RASSF6: variants seen among roughly 807,000 people sequenced by gnomAD.
RASSF6 encodes the protein Ras association domain family member 6.
In RASSF6, 52 loss-of-function variants were observed where a neutral mutation model predicts 44.0. The observed-to-expected ratio is 1.18, with a 90% CI of 0.95 to 1.49. RASSF6 has a LOEUF of 1.49. Ranked by LOEUF, RASSF6 falls within the 40% of genes most tolerant of loss-of-function variation. The probability of loss-of-function intolerance (pLI) is 0.00; values close to 1 mark genes in which losing one functional copy is unlikely to be tolerated. For synonymous variants in RASSF6, 162 were observed against 124.6 expected (o/e 1.30, Z -2.00); for missense variants, 464 against 393.3 (o/e 1.18, Z -1.52).
chr4:73,578,596 G>A (rs1363526220), intron 8 of RASSF6, among the ~76,000 whole-genome samples: 2 of 151,084 alleles, frequency 1.3e-5, no homozygotes, highest in East Asian at 1.9e-4. Context: ...TATCGTGCTT[G>A]CTATTTTTAT....
intron 2 of RASSF6, among the ~76,000 whole-genome samples, chr4:73,610,676 C>T (rs1725946928): frequency 6.6e-6 from 1 of 152,210 alleles, no homozygotes; most frequent in South Asian, 2.1e-4. Context: ...CAGGCTTTTC[C>T]TCCAGTGCTT....
rs1354287382 is a variant in RASSF6 at position 73,574,860 on chromosome 4, A to G, written c.*1375T>C. The G allele has an allele frequency of 6.6e-6, 1 of 151,986 alleles. No homozygotes were observed. The allele number at this position is 151,986 out of a possible 1,614,324, so 9.4% of individuals were successfully genotyped here. On this transcript the variant is annotated 3_prime_UTR_variant, in exon 11 of 11. Coordinates refer to ENST00000307439, the MANE Select transcript of RASSF6 (RefSeq NM_177532.5). The stretch of plus-strand genomic sequence containing the variant: ...GTCATGTTCATGGCAGGTACATGAC[A>G]CTAGTTTTTTATAAGTATGTTGAAT...
chr4:73,608,222 T>C (rs1725780791), intron 2 of RASSF6, among the ~76,000 whole-genome samples: 1 of 151,726 alleles, frequency 6.6e-6, no homozygotes, highest in African/African-American at 2.4e-5. Flanking sequence ...AGAAAATCAT[T>C]GGATTTTCTC....
intron 1 of RASSF6, among the ~76,000 whole-genome samples, chr4:73,612,249 A>G (rs1360311344): frequency 1.3e-5 from 2 of 152,138 alleles, no homozygotes; most frequent in Non-Finnish European, 2.9e-5. Context: ...GTATGATGTA[A>G]TATTTTTCAA....
At chr4:73,619,656 C>G (rs1157646840) in intron 1 of RASSF6, among the ~76,000 whole-genome samples, 1 of 152,154 alleles carries the variant, frequency 6.6e-6, no homozygotes, top group Non-Finnish European at 1.5e-5. Context: ...AGGGGGCAAA[C>G]TAATAAGTGG....
chr4:73,587,117 G>GA (rs750739346), intron 5 of RASSF6, among the ~76,000 whole-genome samples: 2 of 151,938 alleles, frequency 1.3e-5, no homozygotes, highest in Non-Finnish European at 2.9e-5. Context: ...AGAATTACAT[G>GA]AAAAAATTCA....
At chr4:73,580,217 G>A (rs1187992517) in intron 8 of RASSF6, among the ~76,000 whole-genome samples, 1 of 151,630 alleles carries the variant, frequency 6.6e-6, no homozygotes, top group Non-Finnish European at 1.5e-5. Flanking sequence ...ATTTTTTATG[G>A]ATGCATAGTA....
intron 4 of RASSF6, among the ~76,000 whole-genome samples, chr4:73,591,273 A>T (rs1335981497): frequency 1.3e-5 from 2 of 152,228 alleles, no homozygotes; most frequent in African/African-American, 2.4e-5. Flanking sequence ...TTATTTGTCA[A>T]TTAAAAATAA....
At chr4:73,609,355 T>C (rs1725857845) in intron 2 of RASSF6, among the ~76,000 whole-genome samples, 1 of 152,296 alleles carries the variant, frequency 6.6e-6, no homozygotes, top group African/African-American at 2.4e-5. Flanking sequence ...TGTGCAATGA[T>C]GACTCCAGGC....
chr4:73,581,166 A>G (rs372047063), intron 8 of RASSF6, among the ~76,000 whole-genome samples: 151 of 152,242 alleles, frequency 9.9e-4, no homozygotes, highest in African/African-American at 3.2e-3. Context: ...ACATTCTGAC[A>G]CTTAAATTAT....
chr4:73,605,773 G>A (rs1218078490), intron 2 of RASSF6, among the ~76,000 whole-genome samples: 9 of 151,968 alleles, frequency 5.9e-5, no homozygotes, highest in South Asian at 4.2e-4. Flanking sequence ...CTGCAGCCTC[G>A]CCAACATATG....
rs1723554799 is a variant in RASSF6, at chr4:73,580,560, C to T, written c.721+1257G>A. On this transcript the variant is annotated intron_variant, in intron 8 of 10. Transcript: ENST00000307439. ...TTGTTTCCTGACTTTTTAATGATTG[C>T]CATTCTAACTGGTGTGAGATGGTAT... Among the ~76,000 whole-genome samples, 9 of 149,896 alleles carry T rather than the reference C, an allele frequency of 6.0e-5. No homozygotes were observed. In the South Asian group the frequency reaches 1.7e-3, roughly 29 times the overall value.
intron 2 of RASSF6, among the ~76,000 whole-genome samples, chr4:73,610,176 T>A (rs1264469378): frequency 6.6e-6 from 1 of 152,224 alleles, no homozygotes; most frequent in Non-Finnish European, 1.5e-5. Flanking sequence ...ATTTTTAGAA[T>A]TATCCTTGGT....
At chr4:73,587,727 A>G in intron 5 of RASSF6, 113 bp downstream of exon 5, 1 of 543,150 alleles carries the variant, frequency 1.8e-6, no homozygotes, top group Non-Finnish European at 3.3e-6. Flanking sequence ...ATATAAAACA[A>G]GAGTTTATTG....
chr4:73,617,387 G>A (rs1044042678), intron 1 of RASSF6, among the ~76,000 whole-genome samples: 1 of 152,176 alleles, frequency 6.6e-6, no homozygotes, highest in Non-Finnish European at 1.5e-5. Flanking sequence ...TTGTATTAAG[G>A]CACTTAAGGC....
chr4:73,579,629 A>G (rs1723472604), intron 8 of RASSF6, among the ~76,000 whole-genome samples: 1 of 151,654 alleles, frequency 6.6e-6, no homozygotes, highest in Non-Finnish European at 1.5e-5. Context: ...TTTTTATCGG[A>G]TTGTCTGTTG....
intron 3 of RASSF6, among the ~76,000 whole-genome samples, chr4:73,595,397 C>A (rs950949890): frequency 1.3e-5 from 2 of 152,144 alleles, no homozygotes; most frequent in Admixed American, 1.3e-4. Flanking sequence ...CAGGGTATTG[C>A]TATGTTGGCC....
In RASSF6 at chr4:73,615,198, G is replaced by A. The variant is rs867114945; in HGVS notation, c.-34-3369C>T. 8.9e-3 allele frequency among the ~76,000 whole-genome samples: 578 copies of A among 64,670 alleles called. 6 individuals carry two copies. Among genetic ancestry groups the A allele is most frequent in the South Asian group, 0.048 (95 of 1,998 alleles). 42.4% of individuals were successfully genotyped at this position (64,670 alleles called of 152,430 possible). ...TGTCTCAAAAAAAAAAAAAAAAAAA[G>A]AGCAAAACAAATAAACAAACAAAAA... On this transcript the variant is annotated intron_variant, in intron 1 of 10. Coordinates refer to ENST00000307439, the MANE Select transcript of RASSF6 (RefSeq NM_177532.5).
intron 2 of RASSF6, among the ~76,000 whole-genome samples, chr4:73,603,446 A>C (rs1192703521): frequency 6.6e-6 from 1 of 151,916 alleles, no homozygotes; most frequent in Non-Finnish European, 1.5e-5. Flanking sequence ...CCTGGAAGAG[A>C]GCTAGCCAAG....
Sources: allele counts gnomAD v4.1 joint callset (sites outside exome capture counted in the v4.1 genomes callset), GRCh38; gene constraint gnomAD v4.1.1; transcripts MANE v1.5; gene names NCBI Gene and HGNC (gene_info 2026-07-23, HGNC 2026-07-21).